FRRS1: variants seen among roughly 807,000 people sequenced by gnomAD.
The protein encoded by FRRS1 is ferric reductase 1.
In FRRS1, 51 loss-of-function variants were observed where a neutral mutation model predicts 70.7. The ratio of observed to expected loss-of-function variants is 0.72; its 90% CI spans 0.58 to 0.91. The LOEUF is 0.91. FRRS1 is among the 40% of genes least tolerant of loss of function. The pLI is 0.00. For synonymous variants in FRRS1, 225 were observed against 238.7 expected, an observed-to-expected ratio of 0.94 and a Z score of 0.53; for missense variants, 672 against 726.0, an observed-to-expected ratio of 0.93 and a Z score of 0.86.
At chr1:99,747,488 T>C (rs997100026) in intron 3 of FRRS1, 58 bp from the exon 4 acceptor site, 21 of 1,524,194 alleles carry the variant, frequency 1.4e-5, no homozygotes, top group Non-Finnish European at 1.8e-5. Flanking sequence ...AAAAAATGTT[T>C]AGAGGTTGTA....
intron 1 of FRRS1, among the ~76,000 whole-genome samples, chr1:99,750,770 G>A (rs1011326602): frequency 8.6e-5 from 13 of 151,882 alleles, no homozygotes; most frequent in African/African-American, 3.1e-4. Flanking sequence ...AGAAGGAGAA[G>A]AGGGAAGGAA....
chr1:99,709,172 T>C, intron 16 of FRRS1, 26 bp downstream of exon 16: 1 of 1,608,116 alleles, frequency 6.2e-7, no homozygotes, highest in Non-Finnish European at 8.5e-7. Context: ...TTAAGGTTTG[T>C]GTCAATGAAC....
At chr1:99,741,473 T>A (rs999446632) in intron 5 of FRRS1, among the ~76,000 whole-genome samples, 3 of 152,232 alleles carry the variant, frequency 2.0e-5, no homozygotes, top group African/African-American at 7.2e-5. Context: ...CATGTCAGGA[T>A]AGCAATCCTT....
intron 4 of FRRS1, among the ~76,000 whole-genome samples, chr1:99,744,076 A>AAAAG (rs1656113475): frequency 9.8e-6 from 1 of 102,228 alleles, no homozygotes; most frequent in Admixed American, 1.0e-4. Flanking sequence ...AAAAAAAAAA[A>AAAAG]AAGAAAGAAA....
At chr1:99,716,832 C>T (rs1429882474) in intron 11 of FRRS1, among the ~76,000 whole-genome samples, 4 of 152,154 alleles carry the variant, frequency 2.6e-5, no homozygotes, top group African/African-American at 7.2e-5. Context: ...TACTCATTGG[C>T]TCTTGCTATA....
intron 1 of FRRS1, among the ~76,000 whole-genome samples, chr1:99,764,939 T>C (rs370263961): frequency 5.3e-5 from 8 of 152,366 alleles, no homozygotes; most frequent in South Asian, 2.1e-4. Flanking sequence ...AATTTTATCA[T>C]GTTTTTCTGC....
chr1:99,739,646 G>A (rs1655854484), intron 6 of FRRS1, among the ~76,000 whole-genome samples: 1 of 152,052 alleles, frequency 6.6e-6, no homozygotes, highest in Admixed American at 6.6e-5. Flanking sequence ...AAAAAGAAAA[G>A]GAACTAATGT....
chr1:99,758,848 G>T (rs34392259), intron 1 of FRRS1, among the ~76,000 whole-genome samples: 3 of 151,586 alleles, frequency 2.0e-5, no homozygotes, highest in East Asian at 1.9e-4. Context: ...ATGCACTCCT[G>T]GGGGGAGGCC....
chr1:99,704,454 T>C lies in FRRS1; in HGVS notation c.*4574A>G, dbSNP rs1392502911. Among the ~76,000 whole-genome samples, 2 of 151,804 alleles carry C rather than the reference T, an allele frequency of 1.3e-5. No homozygotes were observed. The highest frequency in any genetic ancestry group is 6.6e-5 in the Admixed American group (1 of 15,244). The stretch of plus-strand genomic sequence containing the variant: ...CTGGGAAGGGCGTGGTCCCTTTAAA[T>C]AACAGGAAAGGAGGGAAAGGAAGTG... On this transcript the variant is annotated 3_prime_UTR_variant, in exon 17 of 17. Transcript: ENST00000646001.
chr1:99,738,014 T>A, intron 7 of FRRS1, 72 bp downstream of exon 7: 1 of 1,269,334 alleles, frequency 7.9e-7, no homozygotes, highest in Non-Finnish European at 1.1e-6. Context: ...GTGCTGGGAT[T>A]ACAGGCATGA....
intron 1 of FRRS1, among the ~76,000 whole-genome samples, chr1:99,757,643 TG>T (rs1203620916): frequency 1.3e-5 from 2 of 152,208 alleles, no homozygotes; most frequent in African/African-American, 4.8e-5. Flanking sequence ...GAATTTCCAT[TG>T]GTTGCATTTT....
chr1:99,718,923 T>C (rs1332613418), intron 10 of FRRS1, among the ~76,000 whole-genome samples: 1 of 152,180 alleles, frequency 6.6e-6, no homozygotes, highest in Non-Finnish European at 1.5e-5. Flanking sequence ...ACAACTAGGA[T>C]AGTTTTTCAA....
chr1:99,745,168 T>C (rs1656190199), intron 4 of FRRS1, among the ~76,000 whole-genome samples: 1 of 152,076 alleles, frequency 6.6e-6, no homozygotes, highest in African/African-American at 2.4e-5. Flanking sequence ...TCTCTACTGT[T>C]TTGTGCAAAT....
chr1:99,738,304 A>G (rs1655781980), intron 6 of FRRS1, 36 bp from the exon 7 acceptor site: 1 of 1,516,334 alleles, frequency 6.6e-7, no homozygotes, highest in Non-Finnish European at 9.0e-7. Context: ...AATCTTAATT[A>G]TCAAACAAGC....
rs145471151 is a variant in FRRS1 at position 99,707,742 on chromosome 1, C to T, written c.*1286G>A. On this transcript the variant is annotated 3_prime_UTR_variant, in exon 17 of 17. Transcript: ENST00000646001. ...GCAGTACTTCGGTATTACAGCGCCA[C>T]CCACTGGCTAGAAGTCCTCATAGCA... Among the ~76,000 whole-genome samples the T allele has an allele frequency of 2.7e-3, 412 of 152,274 alleles. 4 individuals carry two copies. The highest frequency in any genetic ancestry group is 9.7e-3 in the African/African-American group (403 of 41,554).
chr1:99,709,769 A>C (rs2100896483), intron 15 of FRRS1, among the ~76,000 whole-genome samples: 1 of 152,250 alleles, frequency 6.6e-6, no homozygotes, highest in South Asian at 2.1e-4. Flanking sequence ...GGAGTTTGAG[A>C]TCAGCCTGGG....
chr1:99,718,555 C>T (rs2100915244), intron 10 of FRRS1, among the ~76,000 whole-genome samples: 1 of 152,298 alleles, frequency 6.6e-6, no homozygotes, highest in East Asian at 1.9e-4. Flanking sequence ...TCTCAAACTC[C>T]TGACCTCAAG....
At chr1:99,716,538 G>A (rs1475663324) in intron 11 of FRRS1, among the ~76,000 whole-genome samples, 6 of 152,168 alleles carry the variant, frequency 3.9e-5, no homozygotes, top group Non-Finnish European at 8.8e-5. Flanking sequence ...AAGGAGCAAG[G>A]TGAGCCAGGT....
intron 4 of FRRS1, 55 bp from the exon 5 acceptor site, chr1:99,742,328 T>C: frequency 9.6e-7 from 1 of 1,046,392 alleles, no homozygotes; most frequent in Non-Finnish European, 1.5e-6. Flanking sequence ...TCAGCATGGC[T>C]GGAACTTCTA....
Sources: gnomAD v4.1 joint callset for allele counts (sites outside exome capture counted in the v4.1 genomes callset) on GRCh38, gnomAD v4.1.1 for gene constraint, MANE v1.5 for transcripts, NCBI Gene and HGNC (gene_info 2026-07-23, HGNC 2026-07-21) for gene names.